EMG1: variants seen among roughly 807,000 people sequenced by gnomAD.
EMG1 encodes the protein EMG1 N1-specific pseudouridine methyltransferase.
Under a neutral mutation model 26.9 loss-of-function variants are expected in EMG1, and 24 were observed. That is an observed-to-expected ratio of 0.89 (90% confidence interval 0.65 to 1.26). The LOEUF (loss-of-function observed/expected upper bound fraction) is 1.26, where lower values mean the gene tolerates loss of function less well. Ranked by LOEUF, EMG1 falls within the 50% of genes most tolerant of loss-of-function variation. EMG1 has a pLI of 0.00. For synonymous variants in EMG1, 140 were observed against 112.6 expected (o/e 1.24, Z -1.54); for missense variants, 299 against 307.6 (o/e 0.97, Z 0.21).
At position 6,987,779 on chromosome 12, in the gene EMG1, T is replaced by C. The variant is rs774506704; in HGVS notation, c.*155-3T>C. 6 of 400,686 alleles carry C rather than the reference T, an allele frequency of 1.5e-5. No homozygotes were observed. The highest frequency in any genetic ancestry group is 1.3e-4 in the Admixed American group (3 of 22,726). 24.8% of individuals were successfully genotyped at this position (400,686 alleles called of 1,614,324 possible). The stretch of plus-strand genomic sequence containing the variant: ...AAGTTGAATCTAATTTAACATTTTC[T>C]AGGTGTCTGGATCGTATCTATTCCA... On this transcript the variant is annotated splice_polypyrimidine_tract_variant and splice_region_variant and intron_variant and NMD_transcript_variant, in intron 6 of 7. Coordinates refer to the EMG1 transcript ENST00000261406. This position sits in a 1 kb window ranked among gnomAD's most constrained non-coding sequence, Gnocchi z 4.1.
At chr12:6,993,370 A>T (rs922719421) in intron 7 of EMG1, among the ~76,000 whole-genome samples, 3 of 151,314 alleles carry the variant, frequency 2.0e-5, no homozygotes, top group Non-Finnish European at 2.9e-5. Context: ...GGAGGCAGAG[A>T]TTGCAGTGAG....
At position 6,979,659 on chromosome 12, in the gene EMG1, G is replaced by C; in HGVS notation, c.*3850G>C. On this transcript the variant is annotated 3_prime_UTR_variant, in exon 6 of 6. Transcript: ENST00000599672. ...ACCCTCTGACCTTCAGTTATGGAGA[G>C]GAGTGTTTAGGGGTGTGGTTGTCTA... The C allele has an allele frequency of 1.0e-6, 1 of 952,524 alleles. No individual in the cohort carries two copies. 59.0% of individuals were successfully genotyped at this position (952,524 alleles called of 1,614,324 possible).
downstream of EMG1, among the ~76,000 whole-genome samples, chr12:6,992,348 T>C (rs1359044561): frequency 1.3e-5 from 2 of 151,882 alleles, no homozygotes; most frequent in African/African-American, 4.8e-5. Flanking sequence ...AAAAAAAATT[T>C]ACCACTTCAT....
chr12:6,976,011 G>T lies in EMG1; in HGVS notation c.*202G>T. ...TTTTGGGGTTCCTAAAGTATCCAGTGGTGTAAAACTGTTTGTTCCCCGGGA... is the reference window on the plus strand; with the variant it reads ...TTTTGGGGTTCCTAAAGTATCCAGTTGTGTAAAACTGTTTGTTCCCCGGGA... On this transcript the variant is annotated 3_prime_UTR_variant, in exon 6 of 6. Transcript: ENST00000599672. The T allele has an allele frequency of 1.9e-6, 1 of 515,440 alleles. No individual in the cohort carries two copies. Among genetic ancestry groups the T allele is most frequent in the Non-Finnish European group, 3.5e-6 (1 of 289,236 alleles). 31.9% of individuals were successfully genotyped at this position (515,440 alleles called of 1,614,324 possible). A position where few individuals can be genotyped will look rare whatever the true frequency, so the allele number is the denominator to read the frequency against.
At position 6,978,913 on chromosome 12, in the gene EMG1, C is replaced by G. The variant is rs1049370319; in HGVS notation, c.*3104C>G. 1.7e-6 allele frequency: 1 copy of G among 587,800 alleles called. No individual in the cohort carries two copies. The highest frequency in any genetic ancestry group is 2.9e-6 in the Non-Finnish European group (1 of 342,892). The allele number at this position is 587,800 out of a possible 1,614,324, so 36.4% of individuals were successfully genotyped here. A position where few individuals can be genotyped will look rare whatever the true frequency, so the allele number is the denominator to read the frequency against. On this transcript the variant is annotated 3_prime_UTR_variant, in exon 6 of 6. Transcript: ENST00000599672. ...CCTTTCCCTTGGAGAGCCTCAAGGG[C>G]AGCACTGTATTTAACTTCTCTACTG...
At position 6,974,438 on chromosome 12, in the gene EMG1, C is replaced by G. The variant is rs782703604; in HGVS notation, c.268C>G (p.Gln90Glu). 1 of 1,613,060 alleles carries G rather than the reference C, an allele frequency of 6.2e-7. No homozygotes were observed. The highest frequency in any genetic ancestry group is 1.7e-5 in the Admixed American group (1 of 59,982). ...PGEARPDITH[Q>E]SLLMLMDSPL... Reference sequence around the variant, plus strand: ...GGAAGCGCGGCCAGATATCACCCACCAGGTAACTCCAGGGACAGTGCTCAC... The same window carrying G: ...GGAAGCGCGGCCAGATATCACCCACGAGGTAACTCCAGGGACAGTGCTCAC... The change falls in exon 2 of 6, where the codon CAG becomes GAG. Residue 90 changes from glutamine (Q) to glutamate (E), a missense_variant and splice_region_variant. Physicochemically the swap from Gln to Glu is conservative, Grantham distance 29. Transcript: ENST00000599672.
downstream of EMG1, chr12:6,981,137 G>C: frequency 6.2e-7 from 1 of 1,613,552 alleles, no homozygotes; most frequent in Non-Finnish European, 8.5e-7. Context: ...AGCAGGGAAG[G>C]AACACCACGT....
At chr12:6,992,800 G>A (rs782520415), downstream of EMG1, among the ~76,000 whole-genome samples, 4 of 151,992 alleles carry the variant, frequency 2.6e-5, no homozygotes, top group Non-Finnish European at 5.9e-5. Context: ...ATGAAGGATT[G>A]GTTCTAGTAC....
downstream of EMG1, among the ~76,000 whole-genome samples, chr12:6,989,683 G>C (rs1250573034): frequency 2.0e-5 from 3 of 152,154 alleles, no homozygotes; most frequent in Non-Finnish European, 2.9e-5. Flanking sequence ...ACAGGGAGTG[G>C]ATAGAACTGT....
downstream of EMG1, among the ~76,000 whole-genome samples, chr12:6,990,223 AT>A (rs1452585796): frequency 2.7e-5 from 4 of 150,706 alleles, no homozygotes; most frequent in African/African-American, 9.8e-5. Context: ...AATAAAAAAA[AT>A]ATAAGCGGGG....
downstream of EMG1, among the ~76,000 whole-genome samples, chr12:6,992,097 T>C (rs2138343983): frequency 6.6e-6 from 1 of 151,984 alleles, no homozygotes; most frequent in South Asian, 2.1e-4. Context: ...ATTCAAGGAC[T>C]GACATTTGAT....
chr12:6,975,568 C>A, intron 5 of EMG1, 128 bp from the exon 6 acceptor site: 2 of 966,930 alleles, frequency 2.1e-6, no homozygotes, highest in Non-Finnish European at 3.3e-6. Flanking sequence ...CTTCTTCATC[C>A]TTTGTAGGGA....
intron 7 of EMG1, among the ~76,000 whole-genome samples, chr12:6,993,550 T>C (rs1258984122): frequency 6.6e-6 from 1 of 152,226 alleles, no homozygotes; most frequent in Non-Finnish European, 1.5e-5. Context: ...CATTCTCTCT[T>C]AACTCCCAGA....
Position 6,978,757 on chromosome 12 carries a change from C to T in EMG1, c.*2948C>T, listed in dbSNP as rs1946437831. The stretch of plus-strand genomic sequence containing the variant: ...TAGGCAGTTTCTCTCAGCACTCTTC[C>T]TTTTCACACTTGTGGCTGGCTACTT... On this transcript the variant is annotated 3_prime_UTR_variant, in exon 6 of 6. Transcript: ENST00000599672. The T allele has an allele frequency of 6.3e-7, 1 of 1,586,480 alleles. No homozygotes were observed. Among genetic ancestry groups the T allele is most frequent in the Non-Finnish European group, 8.6e-7 (1 of 1,164,790 alleles).
downstream of EMG1, among the ~76,000 whole-genome samples, chr12:6,990,189 A>AAAAT (rs1288533127): frequency 4.1e-5 from 6 of 147,932 alleles, no homozygotes; most frequent in Non-Finnish European, 6.0e-5. Context: ...CCCTGTCTCA[A>AAAAT]AAATAAATAA....
rs1391221330 is a variant in EMG1, at chr12:6,977,948, G to A, written c.*2139G>A. 9.9e-6 allele frequency: 6 copies of A among 607,000 alleles called. No homozygotes were observed. The highest frequency in any genetic ancestry group is 7.4e-5 in the African/African-American group (4 of 53,880). 37.6% of individuals were successfully genotyped at this position (607,000 alleles called of 1,614,324 possible). On this transcript the variant is annotated 3_prime_UTR_variant, in exon 6 of 6. Coordinates refer to ENST00000599672, the MANE Select transcript of EMG1 (RefSeq NM_006331.8). This position sits in a 1 kb window ranked among gnomAD's most constrained non-coding sequence, Gnocchi z 4.5. The stretch of plus-strand genomic sequence containing the variant: ...CAAGGCGGAGCTGGAGACCGTGTGC[G>A]CACGAGCCACTTGGTTCAGCAGCAG...
downstream of EMG1, among the ~76,000 whole-genome samples, chr12:6,990,685 G>A (rs1467270727): frequency 6.6e-6 from 1 of 151,540 alleles, no homozygotes; most frequent in Non-Finnish European, 1.5e-5. Context: ...TGCTTTGGGA[G>A]GCCGAGGTGG....
chr12:6,996,800 A>T (rs1555156067), intron 7 of EMG1, among the ~76,000 whole-genome samples: 1 of 152,226 alleles, frequency 6.6e-6, no homozygotes, highest in African/African-American at 2.4e-5. Flanking sequence ...AGAGAAATCA[A>T]TCTCGACCAC....
At chr12:6,992,426 C>T (rs1270935318), downstream of EMG1, among the ~76,000 whole-genome samples, 3 of 151,978 alleles carry the variant, frequency 2.0e-5, no homozygotes, top group Non-Finnish European at 2.9e-5. Flanking sequence ...ATGCAGTGAC[C>T]ACTGGTACAG....
Sources: gnomAD v4.1 joint callset for allele counts (sites outside exome capture counted in the v4.1 genomes callset) on GRCh38, gnomAD v4.1.1 for gene constraint, Gnocchi (gnomAD v3.1) non-coding constraint, MANE v1.5 for transcripts, NCBI Gene and HGNC (gene_info 2026-07-23, HGNC 2026-07-21) for gene names.